The following GRID2 variants were observed in gnomAD, a reference collection of about 807,000 sequenced individuals.
The protein encoded by GRID2 is glutamate receptor ionotropic, delta-2.
In GRID2, 33 loss-of-function variants were observed where a neutral mutation model predicts 114.8. That is an observed-to-expected ratio of 0.29 (90% CI 0.22 to 0.38). The LOEUF is 0.38. Ranked by LOEUF, GRID2 falls within the 10% of genes least tolerant of loss-of-function variation. The probability of loss-of-function intolerance (pLI) is 1.00; values close to 1 mark genes in which losing one functional copy is unlikely to be tolerated. For synonymous variants in GRID2, 505 were observed against 449.9 expected (o/e 1.12, Z -1.55); for missense variants, 1,184 against 1,257.7 (o/e 0.94, Z 0.89).
chr4:93,430,258 G>A (rs1442613553), intron 10 of GRID2, among the ~76,000 whole-genome samples: 1 of 152,116 alleles, frequency 6.6e-6, no homozygotes. Flanking sequence ...TCGGCTTGCT[G>A]CAACCTCCGC....
chr4:93,573,709 T>C (rs1377260774), intron 13 of GRID2, among the ~76,000 whole-genome samples: 1 of 152,178 alleles, frequency 6.6e-6, no homozygotes, highest in Non-Finnish European at 1.5e-5. Flanking sequence ...TTAGTATATC[T>C]CTAGTATGCT....
At chr4:92,535,712 G>C (rs544333056) in intron 1 of GRID2, among the ~76,000 whole-genome samples, 2 of 152,266 alleles carry the variant, frequency 1.3e-5, no homozygotes, top group South Asian at 4.1e-4. Flanking sequence ...TATTGTGTCT[G>C]GAACTGGTTC....
chr4:93,603,105 G>A (rs1448570670), intron 13 of GRID2, among the ~76,000 whole-genome samples: 1 of 152,176 alleles, frequency 6.6e-6, no homozygotes, highest in Non-Finnish European at 1.5e-5. Flanking sequence ...AGCTACTCGG[G>A]AGGCTGAGGC....
chr4:93,677,145 G>A (rs905513940), intron 14 of GRID2, among the ~76,000 whole-genome samples: 56 of 152,224 alleles, frequency 3.7e-4, no homozygotes, highest in Non-Finnish European at 6.8e-4. Flanking sequence ...CTGGCTCGGA[G>A]GGTCCTATGC....
At chr4:92,950,437 T>G (rs1245444601) in intron 2 of GRID2, among the ~76,000 whole-genome samples, 1 of 152,182 alleles carries the variant, frequency 6.6e-6, no homozygotes, top group Non-Finnish European at 1.5e-5. Context: ...TGAATAGAAA[T>G]ATCAAAATCC....
At chr4:92,677,015 T>A (rs1182718724) in intron 2 of GRID2, among the ~76,000 whole-genome samples, 2 of 152,004 alleles carry the variant, frequency 1.3e-5, no homozygotes, top group African/African-American at 2.4e-5. Context: ...TAAAAAAAAA[T>A]CACAGAAAGA....
intron 12 of GRID2, among the ~76,000 whole-genome samples, chr4:93,503,575 G>C (rs1244846738): frequency 6.7e-6 from 1 of 149,166 alleles, no homozygotes; most frequent in East Asian, 2.0e-4. Context: ...AACATGCGGT[G>C]TTCGGTTTTT....
intron 14 of GRID2, among the ~76,000 whole-genome samples, chr4:93,760,823 T>C (rs1381390752): frequency 6.6e-6 from 1 of 152,178 alleles, no homozygotes; most frequent in African/African-American, 2.4e-5. Flanking sequence ...ATCACTTCCC[T>C]GGAATTTCTT....
intron 3 of GRID2, 56 bp from the exon 4 acceptor site, chr4:93,110,692 G>A: frequency 8.9e-7 from 1 of 1,125,670 alleles, no homozygotes; most frequent in African/African-American, 1.5e-5. Context: ...AATAGCTTAT[G>A]CCTTCCTTCT....
At chr4:92,311,136 C>T (rs1725686800) in intron 1 of GRID2, among the ~76,000 whole-genome samples, 1 of 151,972 alleles carries the variant, frequency 6.6e-6, no homozygotes, top group South Asian at 2.1e-4. Context: ...GTGTTTAACA[C>T]TAATTGGAGG....
At chr4:93,781,157 G>A (rs1203660106) in intron 1 of GRID2, among the ~76,000 whole-genome samples, 1 of 152,162 alleles carries the variant, frequency 6.6e-6, no homozygotes, top group Non-Finnish European at 1.5e-5. Context: ...AGAGGGCTTG[G>A]GGGAAGAAAG....
chr4:92,685,554 AT>A (rs1733857722), intron 2 of GRID2, among the ~76,000 whole-genome samples: 1 of 152,104 alleles, frequency 6.6e-6, no homozygotes, highest in Non-Finnish European at 1.5e-5. Flanking sequence ...ATGCCTAGAA[AT>A]TTAAATGGAT....
chr4:92,499,236 A>G (rs1579471904), intron 1 of GRID2, among the ~76,000 whole-genome samples: 1 of 152,156 alleles, frequency 6.6e-6, no homozygotes, highest in Non-Finnish European at 1.5e-5. Context: ...ATAATCAAAC[A>G]TGTATCTCCT....
intron 13 of GRID2, among the ~76,000 whole-genome samples, chr4:93,558,579 T>G (rs1276086401): frequency 6.6e-6 from 1 of 152,134 alleles, no homozygotes; most frequent in Non-Finnish European, 1.5e-5. Context: ...GTTCTGAAAT[T>G]GAGGCAGTTA....
chr4:92,942,575 G>A (rs1451797579), intron 2 of GRID2, among the ~76,000 whole-genome samples: 12 of 152,184 alleles, frequency 7.9e-5, no homozygotes, highest in South Asian at 2.1e-4. Context: ...TTACATTTAA[G>A]GTTCCTATTG....
chr4:93,491,978 A>C (rs1212450927), intron 12 of GRID2, among the ~76,000 whole-genome samples: 4 of 151,854 alleles, frequency 2.6e-5, no homozygotes, highest in Non-Finnish European at 5.9e-5. Flanking sequence ...ATGCTGCTCA[A>C]GTTGTTTTCC....
intron 2 of GRID2, among the ~76,000 whole-genome samples, chr4:92,824,958 A>G (rs1578245195): frequency 6.6e-6 from 1 of 151,736 alleles, no homozygotes; most frequent in Admixed American, 6.6e-5. Context: ...TATAATCCAC[A>G]ATTTATTTTT....
Position 93,443,861 on chromosome 4 carries a change from T to C in GRID2, c.1546-11801T>C, listed in dbSNP as rs115398431. On this transcript the variant is annotated intron_variant, in intron 10 of 15. Transcript: ENST00000282020. Reference sequence around the variant, plus strand: ...ATTGAAGGTTATATAAAAGCACTTATTACTACCAAATTGCAAAGAACAAGC... The same window carrying C: ...ATTGAAGGTTATATAAAAGCACTTACTACTACCAAATTGCAAAGAACAAGC... Among the ~76,000 whole-genome samples, 819 of 151,856 alleles carry C rather than the reference T, an allele frequency of 5.4e-3. 7 individuals carry two copies. The highest frequency in any genetic ancestry group is 0.019 in the African/African-American group (786 of 41,450).
chr4:93,765,608 T>TTTTATATATATATATATA (rs1553999281), intron 14 of GRID2, among the ~76,000 whole-genome samples: 3 of 29,500 alleles, frequency 1.0e-4, no homozygotes, highest in African/African-American at 3.6e-4. Flanking sequence ...AGGTGAGGTA[T>TTTTATATATATATATATA]TATATATATA....
Sources: gnomAD v4.1 joint callset for allele counts (sites outside exome capture counted in the v4.1 genomes callset) on GRCh38, gnomAD v4.1.1 for gene constraint, MANE v1.5 for transcripts, NCBI Gene and HGNC (gene_info 2026-07-23, HGNC 2026-07-21) for gene names.